SPO11: variants seen among roughly 807,000 people sequenced by gnomAD.
SPO11 encodes SPO11 initiator of meiotic double strand breaks, also known as meiotic recombination protein SPO11.
In SPO11, 49 loss-of-function variants were observed where a neutral mutation model predicts 51.6. The observed-to-expected ratio is 0.95, with a 90% CI of 0.75 to 1.20. The LOEUF is 1.20. SPO11 is among the 50% of genes most tolerant of loss of function. SPO11 has a pLI of 0.00. For synonymous variants in SPO11, 176 were observed against 158.2 expected, an observed-to-expected ratio of 1.11 and a Z score of -0.84; for missense variants, 431 against 473.4, an observed-to-expected ratio of 0.91 and a Z score of 0.83.
At chr20:57,334,316 G>A (rs28368078) in intron 5 of SPO11, among the ~76,000 whole-genome samples, 6,018 of 152,002 alleles carry the variant, frequency 0.04, 171 homozygotes, top group African/African-American at 0.088. Flanking sequence ...CACCACGCCC[G>A]GCTAATTTTT....
intron 10 of SPO11, among the ~76,000 whole-genome samples, chr20:57,339,415 A>G (rs1404465095): frequency 2.6e-5 from 4 of 152,214 alleles, no homozygotes; most frequent in African/African-American, 9.6e-5. Context: ...AGAAATGGAA[A>G]CAATAAATGT....
Position 57,334,858 on chromosome 20 carries a change from T to C in SPO11, c.597+22T>C. 1.9e-6 allele frequency: 3 copies of C among 1,603,778 alleles called. No homozygotes were observed. The South Asian group carries it at 3.3e-5, about 18-fold the overall frequency. ...AACGGTAAGAAGCATCATTGAAGTT[T>C]TCACAGCTTTAACTCTTCTAGCTCC... is the stretch of plus-strand genomic sequence containing the variant. On this transcript the variant is annotated intron_variant, in intron 6 of 12. Coordinates refer to ENST00000371263, the MANE Select transcript of SPO11 (RefSeq NM_012444.3).
chr20:57,342,897 GTGGC>G, intron 12 of SPO11, 57 bp downstream of exon 12: 3 of 1,186,568 alleles, frequency 2.5e-6, no homozygotes, highest in Non-Finnish European at 3.7e-6. Flanking sequence ...TACTTTAGTA[GTGGC>G]TATTCACATC....
At position 57,334,765 on chromosome 20, in the gene SPO11, G is replaced by T. The variant is rs1332062842; in HGVS notation, c.526G>T (p.Gly176Cys). The T allele has an allele frequency of 1.1e-5, 17 of 1,613,398 alleles. No homozygotes were observed. Among genetic ancestry groups the T allele is most frequent in the Non-Finnish European group, 1.4e-5 (16 of 1,179,610 alleles). ...TTTTTTGCAGTTATCTACATCAAAA[G>T]GTTTAATTGCTGGCAACTTAAGATA... ...RSLHILSTSK[G>C]LIAGNLRYIE... The change falls in exon 6 of 13, where the codon GGT becomes TGT. Residue 176 changes from glycine to cysteine, a missense_variant. Gly to Cys is a radical substitution (Grantham distance 159). Coordinates refer to ENST00000371263, the MANE Select transcript of SPO11 (RefSeq NM_012444.3).
Position 57,329,978 on chromosome 20 carries a change from G to A in SPO11, c.111G>A (p.Gly37=). ...LRRGGREPPT[G]GSRLASSSEV... ...GAGGTGGCAGGGAGCCCCCAACTGG[G>A]GGAAGCCGCCTGGCCTCCAGGTACA... The change falls in exon 1 of 13, where the codon GGG becomes GGA. Residue 37 remains glycine (G), a synonymous_variant. Transcript: ENST00000371263. 6.2e-7 allele frequency: 1 copy of A among 1,606,526 alleles called. No individual in the cohort carries two copies. Among genetic ancestry groups the A allele is most frequent in the Non-Finnish European group, 8.5e-7 (1 of 1,177,466 alleles).
In SPO11 at chr20:57,334,033, G is replaced by A. The variant is rs141106732; in HGVS notation, c.448G>A (p.Val150Ile). 115 of 1,590,976 alleles carry A rather than the reference G, an allele frequency of 7.2e-5. No homozygotes were observed. The highest frequency in any genetic ancestry group is 3.7e-4 in the Admixed American group (22 of 59,026). ...DSQLFGNQTV[V>I]DNIINDISCM... Reference sequence around the variant, plus strand: ...TCAACTCTTTGGTAACCAGACTGTCGTCGACAATATTATCAATGACATTTC... The same window carrying A: ...TCAACTCTTTGGTAACCAGACTGTCATCGACAATATTATCAATGACATTTC... The change falls in exon 5 of 13, where the codon GTC (valine) becomes ATC (isoleucine). Residue 150 changes from valine (V) to isoleucine (I), a missense_variant. Coordinates refer to ENST00000371263, the MANE Select transcript of SPO11 (RefSeq NM_012444.3).
chr20:57,333,303 T>C, intron 3 of SPO11, 27 bp downstream of exon 3: 1 of 1,500,898 alleles, frequency 6.7e-7, no homozygotes, highest in Non-Finnish European at 9.1e-7. Context: ...TAGCTTTTGG[T>C]AATAAAGGAT....
In SPO11 at chr20:57,338,976, T is replaced by G. The variant is rs1212197045; in HGVS notation, c.845-13T>G. 1 of 1,461,142 alleles carries G rather than the reference T, an allele frequency of 6.8e-7. No individual in the cohort carries two copies. The highest frequency in any genetic ancestry group is 9.4e-7 in the Non-Finnish European group (1 of 1,068,322). The allele number at this position is 1,461,142 out of a possible 1,614,324, so 90.5% of individuals were successfully genotyped here. Reference sequence around the variant, plus strand: ...TAAGGAGACTAATTTTATAGTTAACTTTCTTTTAACAGGCATAGAAATAAT... The same window carrying G: ...TAAGGAGACTAATTTTATAGTTAACGTTCTTTTAACAGGCATAGAAATAAT... On this transcript the variant is annotated splice_polypyrimidine_tract_variant and intron_variant, in intron 9 of 12. Coordinates refer to ENST00000371263, the MANE Select transcript of SPO11 (RefSeq NM_012444.3).
chr20:57,332,158 C>A (rs1442567250), intron 2 of SPO11, among the ~76,000 whole-genome samples: 1 of 152,098 alleles, frequency 6.6e-6, no homozygotes, highest in Non-Finnish European at 1.5e-5. Flanking sequence ...ACAATGCTAG[C>A]ACCAACAGAA....
intron 11 of SPO11, 130 bp downstream of exon 11, chr20:57,340,308 G>T: frequency 5.3e-6 from 3 of 561,062 alleles, no homozygotes; most frequent in East Asian, 2.9e-5. Context: ...GATGACTTAT[G>T]ATTATGTAAT....
chr20:57,335,824 T>C lies in SPO11; in HGVS notation c.661T>C (p.Leu221=), dbSNP rs750663128. 1 of 1,612,204 alleles carries C rather than the reference T, an allele frequency of 6.2e-7. No homozygotes were observed. Among genetic ancestry groups the C allele is most frequent in the Non-Finnish European group, 8.5e-7 (1 of 1,178,712 alleles). The change falls in exon 8 of 13, where the codon TTA becomes CTA. Residue 221 remains leucine (L), a synonymous_variant. Coordinates refer to ENST00000371263, the MANE Select transcript of SPO11 (RefSeq NM_012444.3). ...TTTAGTTACAGATGCAAAGTTTGTA[T>C]TAATTGTAGAAAAAGATGCAACATT... ...RNLVTDAKFV[L]IVEKDATFQR... is the part of the protein sequence containing the mutation.
rs2066538630 is a variant in SPO11 at position 57,338,359 on chromosome 20, A to G, written c.828A>G (p.Val276=). ...TTCATGTTCCTGTTTTCACTCTTGT[A>G]GATGCTGATCCACATGGTAATTTAT... ...DTFHVPVFTL[V]DADPHGIEIM... Residue 276 remains valine (V), a synonymous_variant, in exon 9 of 13, where the codon GTA becomes GTG. Coordinates refer to ENST00000371263, the MANE Select transcript of SPO11 (RefSeq NM_012444.3). 6.2e-7 allele frequency: 1 copy of G among 1,610,140 alleles called. No individual in the cohort carries two copies. The highest frequency in any genetic ancestry group is 8.5e-7 in the Non-Finnish European group (1 of 1,176,654).
At chr20:57,336,845 T>C (rs1487625740) in intron 8 of SPO11, among the ~76,000 whole-genome samples, 1 of 152,224 alleles carries the variant, frequency 6.6e-6, no homozygotes, top group African/African-American at 2.4e-5. Flanking sequence ...TACTGGTGTT[T>C]ATCACATGTC....
intron 1 of SPO11, 24 bp downstream of exon 1, chr20:57,330,022 C>G (rs1201988745): frequency 1.9e-6 from 3 of 1,556,402 alleles, no homozygotes; most frequent in East Asian, 2.4e-5. Flanking sequence ...TGCCGAGGCG[C>G]GACGCAGCCA....
chr20:57,342,021 C>G (rs985171485), intron 11 of SPO11, among the ~76,000 whole-genome samples: 3 of 152,192 alleles, frequency 2.0e-5, no homozygotes, highest in African/African-American at 7.2e-5. Flanking sequence ...TTGAAAAAGA[C>G]TCTCCTGGGA....
intron 12 of SPO11, 135 bp from the exon 13 acceptor site, chr20:57,343,206 G>C (rs2066604623): frequency 1.0e-6 from 1 of 967,610 alleles, no homozygotes; most frequent in South Asian, 1.6e-5. Context: ...TAGCAGCTCT[G>C]GAATATTCTG....
intron 1 of SPO11, among the ~76,000 whole-genome samples, chr20:57,330,907 T>A (rs1198647980): frequency 6.6e-6 from 1 of 152,212 alleles, no homozygotes; most frequent in Non-Finnish European, 1.5e-5. Flanking sequence ...CAACACTTTT[T>A]TTCTCCAAAC....
At chr20:57,341,854 TA>T (rs1475953332) in intron 11 of SPO11, among the ~76,000 whole-genome samples, 1 of 152,162 alleles carries the variant, frequency 6.6e-6, no homozygotes, top group Non-Finnish European at 1.5e-5. Context: ...ATCAGTGCAC[TA>T]AAAAGCCACT....
intron 1 of SPO11, 45 bp downstream of exon 1, chr20:57,330,043 A>G (rs1459648542): frequency 6.6e-7 from 1 of 1,522,118 alleles, no homozygotes; most frequent in African/African-American, 1.4e-5. Flanking sequence ...CTCTGTAGAA[A>G]AGTCGGGCGC....
Sources: gnomAD v4.1 joint callset for allele counts (sites outside exome capture counted in the v4.1 genomes callset) on GRCh38, gnomAD v4.1.1 for gene constraint, MANE v1.5 for transcripts, NCBI Gene and HGNC (gene_info 2026-07-23, HGNC 2026-07-21) for gene names.